Variants in ANXA10 observed in about 807,000 individuals in gnomAD.
ANXA10 encodes the protein annexin A10.
A neutral mutation model predicts 53.5 loss-of-function variants in ANXA10; 49 were observed. The ratio of observed to expected loss-of-function variants is 0.92; its 90% CI spans 0.73 to 1.16. The LOEUF (loss-of-function observed/expected upper bound fraction) is 1.16. Among genes scored for constraint, ANXA10 ranks in the 50% most tolerant of loss-of-function variants. The pLI, the probability that ANXA10 is intolerant of heterozygous loss-of-function variation, is 0.00. For missense variants in ANXA10, 393 were observed against 394.4 expected (o/e 1.00, Z 0.03); for synonymous variants, 131 against 128.9 (o/e 1.02, Z -0.11).
chr4:168,177,170 G>A (rs1732146757), intron 6 of ANXA10, among the ~76,000 whole-genome samples: 1 of 152,092 alleles, frequency 6.6e-6, no homozygotes, highest in South Asian at 2.1e-4. Context: ...ATAACCCTCA[G>A]GAATCAATGG....
intron 3 of ANXA10, among the ~76,000 whole-genome samples, chr4:168,157,038 T>A (rs1731697890): frequency 6.6e-6 from 1 of 152,122 alleles, no homozygotes. Flanking sequence ...GAAAAAATGC[T>A]AAAACTACTA....
chr4:168,099,972 A>G (rs1015054253), intron 1 of ANXA10, among the ~76,000 whole-genome samples: 1 of 152,070 alleles, frequency 6.6e-6, no homozygotes, highest in Non-Finnish European at 1.5e-5. Context: ...TCTCTCCTAC[A>G]ACATGCAAGA....
At position 168,177,821 on chromosome 4, in the gene ANXA10, T is replaced by G. The variant is rs190104898; in HGVS notation, c.534+28T>G. On this transcript the variant is annotated intron_variant, in intron 7 of 11. Coordinates refer to ENST00000359299, the MANE Select transcript of ANXA10 (RefSeq NM_007193.5). ...AACTAGAACCAGTTCTCAGACTGAC[T>G]GCAAAGAACCTGGGTTAAAATGGGC... 248 of 1,614,122 alleles carry G rather than the reference T, an allele frequency of 1.5e-4. 1 individual carries two copies. The African/African-American group carries it at 2.9e-3, about 19-fold the overall frequency.
rs1553957318 is a variant in ANXA10, at chr4:168,154,000, A to ACACG, written c.196-8524_196-8521dup. On this transcript the variant is annotated intron_variant, in intron 3 of 11. Coordinates refer to ENST00000359299, the MANE Select transcript of ANXA10 (RefSeq NM_007193.5). ...TATGTATACACACACACACACACAC[A>ACACG]CACGCACACACGCGCGCGCGCGTGC... 3.2e-4 allele frequency among the ~76,000 whole-genome samples: 49 copies of ACACG among 151,620 alleles called. No homozygotes were observed. The East Asian group carries it at 7.0e-3, about 22-fold the overall frequency.
intron 2 of ANXA10, among the ~76,000 whole-genome samples, chr4:168,134,791 A>AAATG (rs1284523166): frequency 6.6e-6 from 1 of 152,104 alleles, no homozygotes; most frequent in Non-Finnish European, 1.5e-5. Flanking sequence ...TCCCTGTTAC[A>AAATG]GCTTTCAGAC....
chr4:168,151,106 T>C (rs1731489044), intron 3 of ANXA10, among the ~76,000 whole-genome samples: 1 of 152,194 alleles, frequency 6.6e-6, no homozygotes, highest in Non-Finnish European at 1.5e-5. Context: ...GGATTTCATT[T>C]TAATTTTTCA....
At chr4:168,128,284 C>CAAA (rs11353908) in intron 2 of ANXA10, 119 bp downstream of exon 2, 29 of 364,400 alleles carry the variant, frequency 8.0e-5, no homozygotes, top group Non-Finnish European at 9.9e-5. Flanking sequence ...ACAGATTAGA[C>CAAA]AAAAAAAAAA....
At chr4:168,153,052 C>T (rs1235249157) in intron 3 of ANXA10, among the ~76,000 whole-genome samples, 2 of 152,012 alleles carry the variant, frequency 1.3e-5, no homozygotes, top group Non-Finnish European at 2.9e-5. Context: ...CCATCCTGCC[C>T]AGTCTAGTCT....
chr4:168,167,724 A>G (rs577123044), intron 6 of ANXA10, among the ~76,000 whole-genome samples: 3 of 152,346 alleles, frequency 2.0e-5, no homozygotes, highest in Non-Finnish European at 4.4e-5. Context: ...ACTTAACCGC[A>G]TGCAAAGTTC....
chr4:168,163,312 C>A (rs1212206753), intron 4 of ANXA10, among the ~76,000 whole-genome samples: 1 of 152,060 alleles, frequency 6.6e-6, no homozygotes, highest in South Asian at 2.1e-4. Flanking sequence ...TAAACACCTG[C>A]AGAACTGTTG....
rs755604875 is a variant in ANXA10 at position 168,177,886 on chromosome 4, C to T, written c.535-4C>T. 1.2e-6 allele frequency: 2 copies of T among 1,614,154 alleles called. No homozygotes were observed. The highest frequency in any genetic ancestry group is 8.5e-7 in the Non-Finnish European group (1 of 1,180,018). On this transcript the variant is annotated splice_region_variant and splice_polypyrimidine_tract_variant and intron_variant, in intron 7 of 11. Transcript: ENST00000359299. ...TGCTACTTCTCTGCTGGCTAATGTT[C>T]CAGGTCCTATGGGAAGCCTGTCAGC...
chr4:168,178,580 C>A (rs1203555236), intron 8 of ANXA10, among the ~76,000 whole-genome samples: 2 of 152,002 alleles, frequency 1.3e-5, no homozygotes, highest in African/African-American at 4.8e-5. Flanking sequence ...AGAGACATTA[C>A]CTGTCTTAAT....
At chr4:168,186,145 C>G (rs1257719274) in intron 11 of ANXA10, among the ~76,000 whole-genome samples, 1 of 152,162 alleles carries the variant, frequency 6.6e-6, no homozygotes, top group Non-Finnish European at 1.5e-5. Context: ...TGTAACTTTG[C>G]TATGTACATT....
intron 1 of ANXA10, among the ~76,000 whole-genome samples, chr4:168,126,528 G>A (rs1279147615): frequency 6.6e-6 from 1 of 152,088 alleles, no homozygotes; most frequent in Non-Finnish European, 1.5e-5. Flanking sequence ...TATACAATCA[G>A]CTGTGGAAAC....
chr4:168,174,621 G>A (rs777588518), intron 6 of ANXA10, among the ~76,000 whole-genome samples: 1 of 152,196 alleles, frequency 6.6e-6, no homozygotes, highest in African/African-American at 2.4e-5. Context: ...CAGCCACAGA[G>A]GTCTCCAACT....
intron 1 of ANXA10, 128 bp from the exon 2 acceptor site, chr4:168,127,956 T>C (rs1350351665): frequency 5.5e-6 from 4 of 726,582 alleles, no homozygotes; most frequent in Non-Finnish European, 9.3e-6. Flanking sequence ...ACTCCTGACT[T>C]CAGGTGATCC....
At chr4:168,182,569 G>A (rs1446989362) in intron 10 of ANXA10, among the ~76,000 whole-genome samples, 16 of 148,588 alleles carry the variant, frequency 1.1e-4, no homozygotes, top group African/African-American at 3.7e-4. Context: ...TCCTGACTTC[G>A]TGATCCGCCC....
intron 3 of ANXA10, among the ~76,000 whole-genome samples, chr4:168,157,679 G>T (rs1412477924): frequency 1.3e-5 from 2 of 152,048 alleles, no homozygotes; most frequent in Non-Finnish European, 2.9e-5. Context: ...CCTTATAGAT[G>T]AATTTTTGCT....
At chr4:168,168,429 T>C (rs115228302) in intron 6 of ANXA10, among the ~76,000 whole-genome samples, 354 of 152,252 alleles carry the variant, frequency 2.3e-3, no homozygotes, top group African/African-American at 7.8e-3. Context: ...TTCTTCTTCT[T>C]CTTTTTTTTA....
Sources: gnomAD v4.1 joint callset for allele counts (sites outside exome capture counted in the v4.1 genomes callset) on GRCh38, gnomAD v4.1.1 for gene constraint, MANE v1.5 for transcripts, NCBI Gene and HGNC (gene_info 2026-07-23, HGNC 2026-07-21) for gene names.